The following NGFR variants were observed in gnomAD, a reference collection of about 807,000 sequenced individuals.
NGFR encodes the protein tumor necrosis factor receptor superfamily member 16.
NGFR carries 30 observed loss-of-function variants against 43.2 expected under a neutral mutation model. The observed-to-expected ratio is 0.69, with a 90% CI of 0.52 to 0.94. The LOEUF (loss-of-function observed/expected upper bound fraction) is 0.94. Ranked by LOEUF, NGFR falls within the 40% of genes least tolerant of loss-of-function variation. NGFR has a pLI of 0.00. For synonymous variants in NGFR, 246 were observed against 259.6 expected (o/e 0.95, Z 0.50); for missense variants, 529 against 602.5 (o/e 0.88, Z 1.28).
chr17:49,508,761 G>C (rs11466145), intron 3 of NGFR, among the ~76,000 whole-genome samples: 1 of 152,114 alleles, frequency 6.6e-6, no homozygotes, highest in Non-Finnish European at 1.5e-5. Context: ...CCCCGCCCCC[G>C]TCAGAGGGGA....
At chr17:49,501,999 A>ATGGGGGCCCCCCCCC in intron 1 of NGFR, 64 bp from the exon 2 acceptor site, 1 of 330,984 alleles carries the variant, frequency 3.0e-6, no homozygotes, top group African/African-American at 2.2e-5. Flanking sequence ...TCCCCGGAAG[A>ATGGGGGCCCCCCCCC]ACCCCCCCCA....
intron 1 of NGFR, 48 bp from the exon 2 acceptor site, chr17:49,502,010 ACCCAC>A: frequency 7.5e-6 from 2 of 267,780 alleles, no homozygotes; most frequent in Non-Finnish European, 1.3e-5. Context: ...ACCCCCCCCA[ACCCAC>A]CCCAGCTTTC....
chr17:49,507,558 G>A (rs1460626178), intron 3 of NGFR, among the ~76,000 whole-genome samples: 2 of 152,220 alleles, frequency 1.3e-5, no homozygotes, highest in East Asian at 3.9e-4. Flanking sequence ...GGAGAAGGAA[G>A]CCCCGTGGGA....
chr17:49,509,471 G>A (rs2071218615), intron 3 of NGFR, among the ~76,000 whole-genome samples: 1 of 152,188 alleles, frequency 6.6e-6, no homozygotes, highest in Non-Finnish European at 1.5e-5. Context: ...CCCTGGCTGT[G>A]TGGCAGAATG....
chr17:49,495,394 G>C lies in NGFR; in HGVS notation c.-24G>C. 2 of 1,232,556 alleles carry C rather than the reference G, an allele frequency of 1.6e-6. No individual in the cohort carries two copies. Among genetic ancestry groups the C allele is most frequent in the Non-Finnish European group, 2.0e-6 (2 of 987,198 alleles). The allele number at this position is 1,232,556 out of a possible 1,614,324, so 76.4% of individuals were successfully genotyped here. A position where few individuals can be genotyped will look rare whatever the true frequency, so the allele number is the denominator to read the frequency against. ...CGCAAAGCGGACCGAGCTGGAAGTC[G>C]AGCGCTGCCGCGGGAGGCGGGCGAT... is the stretch of plus-strand genomic sequence containing the variant. On this transcript the variant is annotated 5_prime_UTR_variant, in exon 1 of 6. Transcript: ENST00000172229. This position sits in a 1 kb window ranked among gnomAD's most constrained non-coding sequence, Gnocchi z 6.4.
chr17:49,500,849 C>A (rs545732857), intron 1 of NGFR, among the ~76,000 whole-genome samples: 1 of 152,312 alleles, frequency 6.6e-6, no homozygotes, highest in African/African-American at 2.4e-5. Flanking sequence ...CTGTTTCCTT[C>A]CCCACCAAAC....
At chr17:49,499,875 C>T (rs915000816) in intron 1 of NGFR, among the ~76,000 whole-genome samples, 1 of 152,200 alleles carries the variant, frequency 6.6e-6, no homozygotes. Flanking sequence ...GCGTAAGCCA[C>T]CACGCCCGGC....
chr17:49,502,739 G>A (rs1290877487), intron 2 of NGFR, among the ~76,000 whole-genome samples: 1 of 152,028 alleles, frequency 6.6e-6, no homozygotes, highest in African/African-American at 2.4e-5. Flanking sequence ...GGGTCAGAGC[G>A]CCATGAAGAC....
At position 49,511,665 on chromosome 17, in the gene NGFR, A is replaced by AT. The variant is rs542821585; in HGVS notation, c.822-225dup. Among the ~76,000 whole-genome samples, 443 of 152,270 alleles carry AT rather than the reference A, an allele frequency of 2.9e-3. 2 individuals are homozygous for AT. Among genetic ancestry groups the AT allele is most frequent in the Non-Finnish European group, 5.3e-3 (362 of 68,014 alleles). On this transcript the variant is annotated intron_variant, in intron 4 of 5. Coordinates refer to ENST00000172229, the MANE Select transcript of NGFR (RefSeq NM_002507.4). ...AGCAGTCACTTTTGCTGCACTGCTC[A>AT]TTCCAGGAACATTTACTGAACACTT...
chr17:49,507,937 A>G (rs572304741), intron 3 of NGFR, among the ~76,000 whole-genome samples: 1 of 152,210 alleles, frequency 6.6e-6, no homozygotes, highest in South Asian at 2.1e-4. Context: ...TAGCACCCAG[A>G]TCTCCTGCCC....
rs960646454 is a variant in NGFR at position 49,513,312 on chromosome 17, G to A, written c.*303G>A. ...CCCCTTCTCCCACACTGCTAGGTGG[G>A]CCAGCCCCTCCCACCACAGCAGGTG... On this transcript the variant is annotated 3_prime_UTR_variant, in exon 6 of 6. Coordinates refer to ENST00000172229, the MANE Select transcript of NGFR (RefSeq NM_002507.4). 1.2e-5 allele frequency: 5 copies of A among 420,838 alleles called. No individual in the cohort carries two copies. Among genetic ancestry groups the A allele is most frequent in the Non-Finnish European group, 4.3e-6 (1 of 234,638 alleles). 26.1% of individuals were successfully genotyped at this position (420,838 alleles called of 1,614,324 possible). A position where few individuals can be genotyped will look rare whatever the true frequency, so the allele number is the denominator to read the frequency against.
chr17:49,504,781 T>TTC (rs2071187251), intron 2 of NGFR, among the ~76,000 whole-genome samples: 1 of 143,788 alleles, frequency 7.0e-6, no homozygotes, highest in African/African-American at 2.6e-5. Context: ...TTTTTTTTTT[T>TTC]TTTTTTTTTT....
intron 3 of NGFR, among the ~76,000 whole-genome samples, chr17:49,506,929 C>A (rs2071203379): frequency 6.6e-6 from 1 of 152,152 alleles, no homozygotes; most frequent in Non-Finnish European, 1.5e-5. Flanking sequence ...CGTCCCAGGC[C>A]GCGGGTACTA....
chr17:49,510,307 C>A (rs1305285383), intron 3 of NGFR, 105 bp from the exon 4 acceptor site: 2 of 1,506,500 alleles, frequency 1.3e-6, no homozygotes, highest in African/African-American at 1.4e-5. Context: ...GGCACAAGAG[C>A]ACCTGGAGCC....
At chr17:49,502,000 A>ACGGCCC in intron 1 of NGFR, 63 bp from the exon 2 acceptor site, 7 of 264,886 alleles carry the variant, frequency 2.6e-5, no homozygotes, top group Non-Finnish European at 5.5e-5. Flanking sequence ...CCCCGGAAGA[A>ACGGCCC]CCCCCCCCAA....
At position 49,513,095 on chromosome 17, in the gene NGFR, T is replaced by G. The variant is rs939142432; in HGVS notation, c.*86T>G. On this transcript the variant is annotated 3_prime_UTR_variant, in exon 6 of 6. Coordinates refer to ENST00000172229, the MANE Select transcript of NGFR (RefSeq NM_002507.4). ...CTGTGGAGCCCGCACCCCCACCCTT[T>G]GGGGGGGGCCCGCCTGGCAGAACTG... 8.2e-6 allele frequency: 11 copies of G among 1,349,502 alleles called. No homozygotes were observed. The highest frequency in any genetic ancestry group is 2.9e-5 in the African/African-American group (2 of 67,980). 83.6% of individuals were successfully genotyped at this position (1,349,502 alleles called of 1,614,324 possible).
At chr17:49,496,388 CG>C (rs2071138238) in intron 1 of NGFR, 1 of 152,258 alleles carries the variant, frequency 6.6e-6, no homozygotes, top group Non-Finnish European at 1.5e-5. Context: ...CCACGGCCGG[CG>C]GGCTCCTCCG....
At chr17:49,507,451 C>G (rs1393179448) in intron 3 of NGFR, among the ~76,000 whole-genome samples, 2 of 152,192 alleles carry the variant, frequency 1.3e-5, no homozygotes, top group Non-Finnish European at 2.9e-5. Flanking sequence ...CAAGGCAGTG[C>G]ATGCTCGTGG....
chr17:49,501,596 T>A (rs1197115823), intron 1 of NGFR, among the ~76,000 whole-genome samples: 2 of 152,224 alleles, frequency 1.3e-5, no homozygotes, highest in African/African-American at 4.8e-5. Flanking sequence ...AAGGCCCTCC[T>A]CTGGGTAGAT....
Sources: allele counts gnomAD v4.1 joint callset (sites outside exome capture counted in the v4.1 genomes callset), GRCh38; gene constraint gnomAD v4.1.1; non-coding constraint Gnocchi (gnomAD v3.1); transcripts MANE v1.5; gene names NCBI Gene and HGNC (gene_info 2026-07-23, HGNC 2026-07-21).